Variants in LYPD6B observed in about 807,000 individuals in gnomAD.
The protein encoded by LYPD6B is ly6/PLAUR domain-containing protein 6B.
In LYPD6B, 17 loss-of-function variants were observed where a neutral mutation model predicts 22.8. The ratio of observed to expected loss-of-function variants is 0.75; its 90% CI spans 0.51 to 1.12. LYPD6B has a LOEUF of 1.12. LYPD6B is among the 50% of genes most tolerant of loss of function. The pLI, the probability that LYPD6B is intolerant of heterozygous loss-of-function variation, is 0.00. For synonymous variants in LYPD6B, 106 were observed against 91.6 expected (o/e 1.16, Z -0.90); for missense variants, 221 against 258.3 (o/e 0.86, Z 0.99).
At chr2:149,193,422 T>C (rs1362282521) in intron 3 of LYPD6B, among the ~76,000 whole-genome samples, 3 of 152,148 alleles carry the variant, frequency 2.0e-5, no homozygotes, top group Non-Finnish European at 2.9e-5. Context: ...GTACAGAATA[T>C]GAATGAGATC....
intron 3 of LYPD6B, among the ~76,000 whole-genome samples, chr2:149,176,398 A>G (rs915831055): frequency 6.6e-5 from 10 of 152,222 alleles, no homozygotes; most frequent in African/African-American, 2.4e-4. Flanking sequence ...AGAGCAGACA[A>G]CCACCTGGTG....
chr2:149,204,685 TCTC>T (rs1693394029), intron 3 of LYPD6B: 1 of 154,290 alleles, frequency 6.5e-6, no homozygotes, highest in African/African-American at 2.4e-5. Flanking sequence ...TTGTCTCTCT[TCTC>T]AATGTCGGTG....
At chr2:149,099,118 A>G (rs1484909179) in intron 1 of LYPD6B, among the ~76,000 whole-genome samples, 2 of 152,200 alleles carry the variant, frequency 1.3e-5, no homozygotes, top group Non-Finnish European at 2.9e-5. Context: ...GAGGATAGGT[A>G]AATCTCTTCA....
intron 1 of LYPD6B, among the ~76,000 whole-genome samples, chr2:149,108,588 C>T (rs956316759): frequency 2.6e-5 from 4 of 152,088 alleles, no homozygotes; most frequent in African/African-American, 9.7e-5. Flanking sequence ...TTTATGTTTA[C>T]GTTTAAAGTG....
intron 3 of LYPD6B, among the ~76,000 whole-genome samples, chr2:149,166,039 G>A (rs1690400221): frequency 6.6e-6 from 1 of 152,196 alleles, no homozygotes; most frequent in South Asian, 2.1e-4. Flanking sequence ...TAGGGGTGGA[G>A]GTAGAGGGTT....
intron 3 of LYPD6B, among the ~76,000 whole-genome samples, chr2:149,183,887 A>G (rs1276159243): frequency 6.6e-6 from 1 of 150,508 alleles, no homozygotes; most frequent in Non-Finnish European, 1.5e-5. Context: ...ATATGCCTGT[A>G]TTTTCAGTTT....
At chr2:149,053,635 T>G (rs1683663528) in intron 1 of LYPD6B, among the ~76,000 whole-genome samples, 1 of 152,234 alleles carries the variant, frequency 6.6e-6, no homozygotes, top group Admixed American at 6.5e-5. Context: ...TTCAGTGGTT[T>G]CTGATATATT....
intron 3 of LYPD6B, among the ~76,000 whole-genome samples, chr2:149,189,677 G>A (rs1007477698): frequency 3.3e-5 from 5 of 151,922 alleles, no homozygotes; most frequent in African/African-American, 1.2e-4. Flanking sequence ...GGGGAAGCAA[G>A]GCAATGCTTC....
chr2:149,187,750 G>T, intron 3 of LYPD6B: 1 of 418,214 alleles, frequency 2.4e-6, no homozygotes, highest in Admixed American at 4.2e-5. Flanking sequence ...AAAAAGAAGT[G>T]CAAAAGAAAA....
intron 1 of LYPD6B, among the ~76,000 whole-genome samples, chr2:149,062,860 C>CTTT (rs5835285): frequency 1.1e-3 from 103 of 93,422 alleles, no homozygotes; most frequent in African/African-American, 1.9e-3. Context: ...GATACATGTT[C>CTTT]TTTTTTTTTT....
At chr2:149,165,448 A>G (rs1383052468) in intron 3 of LYPD6B, among the ~76,000 whole-genome samples, 1 of 152,200 alleles carries the variant, frequency 6.6e-6, no homozygotes, top group Non-Finnish European at 1.5e-5. Context: ...ATCCTGGAAT[A>G]GGGATGGTCT....
At chr2:149,166,820 CACCAG>C (rs1690454985) in intron 3 of LYPD6B, among the ~76,000 whole-genome samples, 1 of 152,080 alleles carries the variant, frequency 6.6e-6, no homozygotes, top group Admixed American at 6.6e-5. Context: ...TGCATGGTCC[CACCAG>C]AGAGGAGAGA....
intron 1 of LYPD6B, among the ~76,000 whole-genome samples, chr2:149,119,365 G>A (rs1034511473): frequency 6.6e-6 from 1 of 152,208 alleles, no homozygotes. Flanking sequence ...GTCTGTAAAT[G>A]TGTTTTGTTG....
At chr2:149,053,074 A>C (rs1031983170) in intron 1 of LYPD6B, among the ~76,000 whole-genome samples, 3 of 152,210 alleles carry the variant, frequency 2.0e-5, no homozygotes, top group Non-Finnish European at 4.4e-5. Context: ...ATTAATTTGT[A>C]TTTAAATATT....
intron 1 of LYPD6B, among the ~76,000 whole-genome samples, chr2:149,115,149 G>C (rs1686941343): frequency 6.6e-6 from 1 of 152,128 alleles, no homozygotes; most frequent in Non-Finnish European, 1.5e-5. Flanking sequence ...ATGTTGGCCA[G>C]GCTGGTCTTG....
chr2:149,104,231 T>C (rs1174091753), intron 1 of LYPD6B, among the ~76,000 whole-genome samples: 1 of 152,218 alleles, frequency 6.6e-6, no homozygotes, highest in African/African-American at 2.4e-5. Context: ...TACAGATCTT[T>C]GTATGGATAT....
At chr2:149,152,454 T>C (rs1266674389) in intron 2 of LYPD6B, among the ~76,000 whole-genome samples, 2 of 152,310 alleles carry the variant, frequency 1.3e-5, no homozygotes, top group East Asian at 3.9e-4. Context: ...CAGGCTTTAG[T>C]CAATGGCTAT....
At chr2:149,188,220 AC>A (rs34868744) in intron 3 of LYPD6B, among the ~76,000 whole-genome samples, 26,593 of 152,102 alleles carry the variant, frequency 0.17, 2,473 homozygotes, top group East Asian at 0.35. Flanking sequence ...TCTCTCATTT[AC>A]TTCTAGATCA....
chr2:149,115,005 T>C (rs1686932771), intron 1 of LYPD6B, among the ~76,000 whole-genome samples: 1 of 152,176 alleles, frequency 6.6e-6, no homozygotes, highest in Non-Finnish European at 1.5e-5. Context: ...AGTGGCATGG[T>C]CTCGGCTCAC....
Sources: gnomAD v4.1 joint callset for allele counts (sites outside exome capture counted in the v4.1 genomes callset) on GRCh38, gnomAD v4.1.1 for gene constraint, MANE v1.5 for transcripts, NCBI Gene and HGNC (gene_info 2026-07-23, HGNC 2026-07-21) for gene names.